PTPRG: variants seen among roughly 807,000 people sequenced by gnomAD.
PTPRG encodes protein tyrosine phosphatase receptor type G.
A neutral mutation model predicts 165.3 loss-of-function variants in PTPRG; 102 were observed. The observed-to-expected ratio is 0.62, with a 90% confidence interval of 0.53 to 0.73. The LOEUF (loss-of-function observed/expected upper bound fraction) is 0.73, where lower values mean the gene tolerates loss of function less well. Among genes scored for constraint, PTPRG ranks in the 30% least tolerant of loss-of-function variants. The pLI is 0.00. For synonymous variants in PTPRG, 675 were observed against 669.5 expected, an observed-to-expected ratio of 1.01 and a Z score of -0.13; for missense variants, 1,866 against 1,861.4, an observed-to-expected ratio of 1.00 and a Z score of -0.05.
chr3:62,161,749 A>G (rs1285802726), intron 7 of PTPRG, among the ~76,000 whole-genome samples: 2 of 152,206 alleles, frequency 1.3e-5, no homozygotes, highest in Non-Finnish European at 2.9e-5. Flanking sequence ...AGCTGTTCTT[A>G]GATTTTATGT....
chr3:61,874,562 C>T (rs529062856), intron 2 of PTPRG, among the ~76,000 whole-genome samples: 5 of 151,440 alleles, frequency 3.3e-5, no homozygotes, highest in Admixed American at 6.6e-5. Context: ...ACTTTAAATT[C>T]GTAGAAATTG....
chr3:62,281,386 C>T (rs921326765), intron 26 of PTPRG, among the ~76,000 whole-genome samples, 177 bp from the exon 27 acceptor site: 1 of 151,576 alleles, frequency 6.6e-6, no homozygotes, highest in South Asian at 2.1e-4. Flanking sequence ...ATATATTTTA[C>T]AATAGAATAC....
rs1270729520 is a variant in PTPRG, at chr3:61,580,372, T to C, written c.85+18000T>C. 2.7e-5 allele frequency among the ~76,000 whole-genome samples: 4 copies of C among 150,664 alleles called. No individual in the cohort carries two copies. In the East Asian group the frequency reaches 7.8e-4, roughly 29 times the overall value. ...ACCCTTGAGTCGTTCAAGGGTCAACTCTATTCTGATTTTTTTTTTTTTTTT... is the reference window on the plus strand; with the variant it reads ...ACCCTTGAGTCGTTCAAGGGTCAACCCTATTCTGATTTTTTTTTTTTTTTT... On this transcript the variant is annotated intron_variant, in intron 1 of 29. Coordinates refer to ENST00000474889, the MANE Select transcript of PTPRG (RefSeq NM_002841.4).
At chr3:61,826,109 A>G (rs1003563250) in intron 2 of PTPRG, among the ~76,000 whole-genome samples, 1 of 152,218 alleles carries the variant, frequency 6.6e-6, no homozygotes, top group African/African-American at 2.4e-5. Flanking sequence ...TTTTAGGAGG[A>G]TAAAATACAT....
At chr3:61,577,470 A>T (rs986529307) in intron 1 of PTPRG, among the ~76,000 whole-genome samples, 1 of 152,218 alleles carries the variant, frequency 6.6e-6, no homozygotes, top group Non-Finnish European at 1.5e-5. Flanking sequence ...ATGTGCTTCA[A>T]GTGTAAAATA....
chr3:62,209,289 T>C (rs569167329), intron 12 of PTPRG, among the ~76,000 whole-genome samples: 1 of 152,268 alleles, frequency 6.6e-6, no homozygotes, highest in Non-Finnish European at 1.5e-5. Context: ...AAACGTCATA[T>C]GGCGCACAGG....
intron 10 of PTPRG, among the ~76,000 whole-genome samples, chr3:62,198,552 A>G (rs1014118328): frequency 9.2e-5 from 14 of 152,236 alleles, no homozygotes; most frequent in African/African-American, 3.4e-4. Flanking sequence ...GGCAAAGCCC[A>G]TGGATCCTCT....
chr3:62,147,930 C>G (rs186215790), intron 6 of PTPRG, among the ~76,000 whole-genome samples: 1 of 151,944 alleles, frequency 6.6e-6, no homozygotes, highest in Admixed American at 6.6e-5. Context: ...CTGAGCCAGG[C>G]GGCAGGAGTT....
intron 18 of PTPRG, 39 bp downstream of exon 18, chr3:62,267,531 T>C (rs968791363): frequency 6.4e-7 from 1 of 1,562,012 alleles, no homozygotes; most frequent in African/African-American, 1.4e-5. Context: ...TTTCTAGAAA[T>C]TGAAGACTGC....
At chr3:61,873,165 A>G (rs2107449357) in intron 2 of PTPRG, among the ~76,000 whole-genome samples, 1 of 152,296 alleles carries the variant, frequency 6.6e-6, no homozygotes, top group South Asian at 2.1e-4. Context: ...AGAAATTTTG[A>G]TACATGTAAC....
chr3:61,821,691 T>C (rs916500787), intron 2 of PTPRG, among the ~76,000 whole-genome samples: 3 of 152,132 alleles, frequency 2.0e-5, no homozygotes, highest in African/African-American at 4.8e-5. Context: ...TAAAGAGATA[T>C]AAACAGTAGA....
intron 2 of PTPRG, among the ~76,000 whole-genome samples, chr3:61,793,858 C>G (rs1293164647): frequency 6.6e-6 from 1 of 152,124 alleles, no homozygotes. Context: ...CTGTGAGAAT[C>G]ATCTGTTCTC....
At chr3:61,760,756 C>A (rs543110924) in intron 2 of PTPRG, among the ~76,000 whole-genome samples, 3 of 152,204 alleles carry the variant, frequency 2.0e-5, no homozygotes, top group African/African-American at 7.2e-5. Context: ...TGCTCTCCCT[C>A]GCCCCTCCCT....
At chr3:61,855,054 A>T (rs184033027) in intron 2 of PTPRG, among the ~76,000 whole-genome samples, 6 of 152,290 alleles carry the variant, frequency 3.9e-5, no homozygotes, top group Admixed American at 3.9e-4. Context: ...TCACTGCATC[A>T]GAAGGTGAAC....
At chr3:61,735,508 A>G (rs895056989) in intron 1 of PTPRG, among the ~76,000 whole-genome samples, 2 of 150,532 alleles carry the variant, frequency 1.3e-5, no homozygotes, top group Non-Finnish European at 1.5e-5. Flanking sequence ...TGCCTGGGCA[A>G]TACTAACCCC....
intron 4 of PTPRG, among the ~76,000 whole-genome samples, chr3:62,063,276 C>G (rs954097524): frequency 6.6e-6 from 1 of 152,134 alleles, no homozygotes; most frequent in African/African-American, 2.4e-5. Flanking sequence ...ATCATCAAGC[C>G]AAGGATTTTG....
At chr3:62,091,464 C>T (rs1701927587) in intron 5 of PTPRG, among the ~76,000 whole-genome samples, 1 of 152,168 alleles carries the variant, frequency 6.6e-6, no homozygotes, top group Admixed American at 6.5e-5. Context: ...ACAAGTAACA[C>T]ATTGATATGG....
rs1419666842 is a variant in PTPRG, at chr3:62,262,779, T to C, written c.2560-19T>C. 2.5e-6 allele frequency: 4 copies of C among 1,576,364 alleles called. No individual in the cohort carries two copies. Among genetic ancestry groups the C allele is most frequent in the Non-Finnish European group, 3.5e-6 (4 of 1,148,666 alleles). On this transcript the variant is annotated intron_variant, in intron 16 of 29. Coordinates refer to ENST00000474889, the MANE Select transcript of PTPRG (RefSeq NM_002841.4). ...TTGTTTCTAAACTGTGTCTATAATC[T>C]TGCTGTTTTCTTCACTAGGAAGTCC...
Position 62,203,659 on chromosome 3 carries a change from G to T in PTPRG, c.1864G>T (p.Glu622Ter). The stretch of plus-strand genomic sequence containing the variant: ...CGCTGCCGAGGAGCGGAATCAGACG[G>T]AGCCCAGCCCCACACCCTCGTCTCC... Reference protein sequence around the residue: ...THAAEERNQTEPSPTPSSPNR... With the variant: ...THAAEERNQT Residue 622 changes from glutamate (E) to a stop codon, truncating the protein, a stop_gained, in exon 12 of 30, where the codon GAG becomes TAG. Transcript: ENST00000474889. LOFTEE classifies it high-confidence loss of function. This position sits in a 1 kb window ranked among gnomAD's most constrained non-coding sequence, Gnocchi z 6.4. The T allele has an allele frequency of 6.4e-7, 1 of 1,562,702 alleles. No homozygotes were observed. The highest frequency in any genetic ancestry group is 2.4e-5 in the East Asian group (1 of 42,074).
Sources: gnomAD v4.1 joint callset for allele counts (sites outside exome capture counted in the v4.1 genomes callset) on GRCh38, gnomAD v4.1.1 for gene constraint, Gnocchi (gnomAD v3.1) non-coding constraint, MANE v1.5 for transcripts, NCBI Gene and HGNC (gene_info 2026-07-23, HGNC 2026-07-21) for gene names.